PPFIBP2: variants seen among roughly 807,000 people sequenced by gnomAD.
The protein encoded by PPFIBP2 is liprin-beta-2.
In PPFIBP2, 118 loss-of-function variants were observed where a neutral mutation model predicts 118.3. The observed-to-expected ratio is 1.00, with a 90% confidence interval of 0.86 to 1.16. PPFIBP2 has a LOEUF of 1.16. Ranked by LOEUF, PPFIBP2 falls within the 50% of genes most tolerant of loss-of-function variation. The probability of loss-of-function intolerance (pLI) is 0.00; values close to 1 mark genes in which losing one functional copy is unlikely to be tolerated. For missense variants in PPFIBP2, 1,195 were observed against 1,073.1 expected, an observed-to-expected ratio of 1.11 and a Z score of -1.59; for synonymous variants, 414 against 397.4, an observed-to-expected ratio of 1.04 and a Z score of -0.50.
At chr11:7,588,954 T>C (rs1170452285) in intron 3 of PPFIBP2, among the ~76,000 whole-genome samples, 2 of 152,228 alleles carry the variant, frequency 1.3e-5, no homozygotes, top group African/African-American at 4.8e-5. Context: ...GGCACACAGA[T>C]CACATGGTTC....
intron 18 of PPFIBP2, 89 bp downstream of exon 18, chr11:7,648,626 C>A (rs908082581): frequency 3.2e-6 from 5 of 1,557,336 alleles, no homozygotes; most frequent in Admixed American, 1.7e-5. Context: ...CACATACACA[C>A]AGGAGGATGG....
intron 6 of PPFIBP2, among the ~76,000 whole-genome samples, chr11:7,618,523 A>G (rs1372477701): frequency 6.6e-6 from 1 of 152,146 alleles, no homozygotes; most frequent in Non-Finnish European, 1.5e-5. Context: ...TGGCTAGGAT[A>G]CAAGGCTGAG....
intron 3 of PPFIBP2, among the ~76,000 whole-genome samples, chr11:7,567,315 T>A (rs1413367847): frequency 6.6e-6 from 1 of 152,250 alleles, no homozygotes; most frequent in African/African-American, 2.4e-5. Context: ...TTTTGGAAAT[T>A]TATTAAAAAT....
At chr11:7,526,702 C>T (rs763353348) in intron 1 of PPFIBP2, among the ~76,000 whole-genome samples, 5 of 152,114 alleles carry the variant, frequency 3.3e-5, no homozygotes, top group African/African-American at 1.2e-4. Flanking sequence ...GAAACCCCAT[C>T]TCTACTAAAA....
In PPFIBP2 at chr11:7,540,327, G is replaced by A. The variant is rs576214948; in HGVS notation, c.-36-9113G>A. Among the ~76,000 whole-genome samples the A allele has an allele frequency of 3.3e-5, 5 of 152,280 alleles. No individual in the cohort carries two copies. In the South Asian group the frequency reaches 8.3e-4, roughly 25 times the overall value. ...CCACTCTGATGGGAGATGACGGCAG[G>A]GCAGGTGAAGATGAGGGGACAGATC... On this transcript the variant is annotated intron_variant, in intron 1 of 23. Coordinates refer to ENST00000299492, the MANE Select transcript of PPFIBP2 (RefSeq NM_003621.5).
rs566497226 is a variant in PPFIBP2 at position 7,621,618 on chromosome 11, A to G, written c.711+591A>G. Among the ~76,000 whole-genome samples, 60 of 152,344 alleles carry G rather than the reference A, an allele frequency of 3.9e-4. No homozygotes were observed. In the Middle Eastern group the frequency reaches 0.017, roughly 43 times the overall value. ...TCCTTCTTTTCCTATACTAAAGTGC[A>G]GAGATCAAAACTAGTGGGTTACATT... On this transcript the variant is annotated intron_variant, in intron 7 of 23. Transcript: ENST00000299492.
downstream of PPFIBP2, among the ~76,000 whole-genome samples, chr11:7,657,888 C>T (rs191917155): frequency 3.6e-4 from 55 of 152,334 alleles, no homozygotes; most frequent in Admixed American, 2.7e-3. Flanking sequence ...ACTTGGAGCA[C>T]CTGCTCTGCA....
intron 5 of PPFIBP2, among the ~76,000 whole-genome samples, chr11:7,600,330 A>G (rs1177271055): frequency 6.6e-6 from 1 of 152,240 alleles, no homozygotes; most frequent in Non-Finnish European, 1.5e-5. Flanking sequence ...TCGGCCGCAC[A>G]TGCTATTGCT....
At chr11:7,545,315 A>G (rs1852212913) in intron 1 of PPFIBP2, among the ~76,000 whole-genome samples, 1 of 152,214 alleles carries the variant, frequency 6.6e-6, no homozygotes, top group Non-Finnish European at 1.5e-5. Flanking sequence ...CCATAATCCC[A>G]GCTGCTTAGG....
intron 6 of PPFIBP2, among the ~76,000 whole-genome samples, chr11:7,617,849 G>A (rs1848852324): frequency 6.6e-6 from 1 of 152,128 alleles, no homozygotes; most frequent in Non-Finnish European, 1.5e-5. Context: ...ATCACATCAG[G>A]GTGATTTTAT....
intron 6 of PPFIBP2, among the ~76,000 whole-genome samples, chr11:7,618,672 A>G (rs945127141): frequency 6.6e-6 from 1 of 152,208 alleles, no homozygotes; most frequent in African/African-American, 2.4e-5. Flanking sequence ...CATGGATGCA[A>G]TAACCTTAGC....
intron 17 of PPFIBP2, 34 bp from the exon 18 acceptor site, chr11:7,648,353 A>C (rs200110969): frequency 6.3e-7 from 1 of 1,583,924 alleles, no homozygotes; most frequent in East Asian, 2.3e-5. Flanking sequence ...AGGCTCTCCC[A>C]CTAACAGGAA....
rs543451087 is a variant in PPFIBP2, at chr11:7,648,141, A to C, written c.1647-246A>C. The stretch of plus-strand genomic sequence containing the variant: ...TCAGGAGGGCCATACAGGCTGCCCC[A>C]TTCTCTAAGTAGCCTGAGATTTGAA... On this transcript the variant is annotated intron_variant, in intron 17 of 23. Coordinates refer to ENST00000299492, the MANE Select transcript of PPFIBP2 (RefSeq NM_003621.5). The C allele has an allele frequency of 8.9e-6, 4 of 447,258 alleles. No homozygotes were observed. In the Admixed American group the frequency reaches 1.1e-4, roughly 12 times the overall value. 27.7% of individuals were successfully genotyped at this position (447,258 alleles called of 1,614,324 possible). A position where few individuals can be genotyped will look rare whatever the true frequency, so the allele number is the denominator to read the frequency against.
At chr11:7,632,619 CT>C (rs1284592331) in intron 11 of PPFIBP2, 3 of 417,730 alleles carry the variant, frequency 7.2e-6, no homozygotes, top group Admixed American at 6.9e-5. Flanking sequence ...GACTGTACTA[CT>C]GGGATATGAA....
chr11:7,562,047 G>A (rs929602676), intron 2 of PPFIBP2, among the ~76,000 whole-genome samples: 28 of 152,212 alleles, frequency 1.8e-4, no homozygotes, highest in African/African-American at 6.5e-4. Flanking sequence ...GATAAGGAGT[G>A]AGCAACCTAG....
At chr11:7,524,478 C>T (rs1012054598) in intron 1 of PPFIBP2, among the ~76,000 whole-genome samples, 1 of 152,160 alleles carries the variant, frequency 6.6e-6, no homozygotes, top group African/African-American at 2.4e-5. Context: ...GTGGATTTGA[C>T]AAATGGCTTG....
intron 2 of PPFIBP2, among the ~76,000 whole-genome samples, chr11:7,561,946 G>A (rs1045702784): frequency 2.0e-5 from 3 of 152,184 alleles, no homozygotes; most frequent in African/African-American, 4.8e-5. Flanking sequence ...CAGTTTTGTC[G>A]AAGACAGTTT....
the PPFIBP2 span, among the ~76,000 whole-genome samples, chr11:7,663,881 G>C: frequency 6.6e-6 from 1 of 152,184 alleles, no homozygotes; most frequent in South Asian, 2.1e-4. Flanking sequence ...TCGGAAAAGC[G>C]CAGTATTCTG....
downstream of PPFIBP2, chr11:7,656,770 C>G: frequency 1.6e-6 from 2 of 1,289,880 alleles, no homozygotes; most frequent in Non-Finnish European, 2.0e-6. Flanking sequence ...TCTCGCCTGC[C>G]TGCCCCCAAC....
Sources: allele counts gnomAD v4.1 joint callset (sites outside exome capture counted in the v4.1 genomes callset), GRCh38; gene constraint gnomAD v4.1.1; transcripts MANE v1.5; gene names NCBI Gene and HGNC (gene_info 2026-07-23, HGNC 2026-07-21).